The following FZR1 variants were observed in gnomAD, a reference collection of about 807,000 sequenced individuals.
The protein encoded by FZR1 is fizzy-related protein homolog.
Under a neutral mutation model 63.6 loss-of-function variants are expected in FZR1, and 11 were observed. The observed-to-expected ratio is 0.17, with a 90% CI of 0.11 to 0.29. The LOEUF (loss-of-function observed/expected upper bound fraction) is 0.29. FZR1 is among the 10% of genes least tolerant of loss of function. The probability of loss-of-function intolerance (pLI) is 1.00; values close to 1 mark genes in which losing one functional copy is unlikely to be tolerated. For synonymous variants in FZR1, 328 were observed against 297.9 expected, an observed-to-expected ratio of 1.10 and a Z score of -1.04; for missense variants, 440 against 687.5, an observed-to-expected ratio of 0.64 and a Z score of 4.03.
At chr19:3,509,262 G>T (rs1011520945) in intron 1 of FZR1, among the ~76,000 whole-genome samples, 1 of 152,152 alleles carries the variant, frequency 6.6e-6, no homozygotes, top group African/African-American at 2.4e-5. Flanking sequence ...CTCTGCCTCA[G>T]TGTCCTCATT....
In FZR1 at chr19:3,536,023, A is replaced by T. The variant is rs1015638036; in HGVS notation, c.*1187A>T. ...CCCCCCCACCACCCCTTCCCATTTC[A>T]TCGGTGGGGACGTGGAGAGGGTGGG... On this transcript the variant is annotated 3_prime_UTR_variant, in exon 14 of 14. Transcript: ENST00000441788. 6.8e-6 allele frequency: 1 copy of T among 147,626 alleles called. No individual in the cohort carries two copies. The highest frequency in any genetic ancestry group is 6.7e-5 in the Admixed American group (1 of 14,976). The allele number at this position is 147,626 out of a possible 1,614,324, so 9.1% of individuals were successfully genotyped here.
intron 1 of FZR1, among the ~76,000 whole-genome samples, chr19:3,518,555 C>G (rs377627435): frequency 6.6e-6 from 1 of 152,116 alleles, no homozygotes; most frequent in Non-Finnish European, 1.5e-5. Context: ...GGAGCCGTTC[C>G]GCTTGTGCCC....
At position 3,534,964 on chromosome 19, in the gene FZR1, G is replaced by C; in HGVS notation, c.*128G>C. The stretch of plus-strand genomic sequence containing the variant: ...AGGCGGCTGGGCGGGCGGGGAGCTG[G>C]GCCTGGAGGATCCTGGAGTCTCATT... On this transcript the variant is annotated 3_prime_UTR_variant, in exon 14 of 14. Coordinates refer to ENST00000441788, the MANE Select transcript of FZR1 (RefSeq NM_016263.4). 1.3e-6 allele frequency: 1 copy of C among 747,678 alleles called. No homozygotes were observed. The highest frequency in any genetic ancestry group is 2.3e-6 in the Non-Finnish European group (1 of 426,216). 46.3% of individuals were successfully genotyped at this position (747,678 alleles called of 1,614,324 possible).
intron 13 of FZR1, 97 bp from the exon 14 acceptor site, chr19:3,534,698 C>T (rs740686): frequency 0.19 from 210,442 of 1,134,188 alleles, 23,133 homozygotes; most frequent in African/African-American, 0.4. Flanking sequence ...CACCTCCCAG[C>T]CCCTCAGGAC....
intron 10 of FZR1, 85 bp from the exon 11 acceptor site, chr19:3,532,332 C>T (rs1203008438): frequency 9.3e-7 from 1 of 1,077,010 alleles, no homozygotes; most frequent in Non-Finnish European, 1.3e-6. Flanking sequence ...GGTGGGGTGC[C>T]AGGGCAGGTC....
At position 3,532,448 on chromosome 19, in the gene FZR1, C is replaced by G. The variant is rs2083258164; in HGVS notation, c.1040C>G (p.Pro347Arg). ...GTCTGGAATCACTCGAGCCTGAGCC[C>G]CGTGCAGCAGTACACGGAGCACCTG... The part of the protein sequence containing the change: ...LLVWNHSSLS[P>R]VQQYTEHLAA... Residue 347 changes from proline to arginine, a missense_variant, in exon 11 of 14, where the codon CCC (proline) becomes CGC (arginine). By Grantham distance (103) the Pro-to-Arg change is moderately radical (BLOSUM62 -2). Around this residue, in one of 5 missense-constraint regions of FZR1, gnomAD observed 208 missense variants for 363.6 expected, o/e 0.57. Transcript: ENST00000441788. 6.3e-7 allele frequency: 1 copy of G among 1,595,670 alleles called. No individual in the cohort carries two copies. The highest frequency in any genetic ancestry group is 8.6e-7 in the Non-Finnish European group (1 of 1,169,478).
At chr19:3,512,564 A>G (rs754543811) in intron 1 of FZR1, among the ~76,000 whole-genome samples, 20 of 152,256 alleles carry the variant, frequency 1.3e-4, no homozygotes, top group Middle Eastern at 3.4e-3. Context: ...GTTTACTTTC[A>G]TGGGAGGGCA....
intron 1 of FZR1, among the ~76,000 whole-genome samples, chr19:3,513,648 G>A (rs2083038777): frequency 6.6e-6 from 1 of 152,220 alleles, no homozygotes; most frequent in African/African-American, 2.4e-5. Context: ...AGCCCCATGT[G>A]TGTTCTGATG....
intron 1 of FZR1, among the ~76,000 whole-genome samples, chr19:3,512,350 T>C (rs1387236322): frequency 1.3e-5 from 2 of 152,208 alleles, no homozygotes; most frequent in African/African-American, 4.8e-5. Context: ...TGCTGCCTCG[T>C]AGACCTCATG....
intron 1 of FZR1, among the ~76,000 whole-genome samples, chr19:3,519,568 C>T (rs991020080): frequency 9.2e-5 from 14 of 152,190 alleles, no homozygotes; most frequent in African/African-American, 3.4e-4. Flanking sequence ...CGGGTCCTGC[C>T]TGGTTTTTGG....
rs1253718396 is a variant in FZR1, at chr19:3,530,399, GATGGGAGAGCGC to G, written c.655-369_655-358del. Among the ~76,000 whole-genome samples the G allele has an allele frequency of 2.7e-3, 352 of 128,332 alleles. 18 individuals carry two copies. The highest frequency in any genetic ancestry group is 4.5e-3 in the Middle Eastern group (1 of 222). The allele number at this position is 128,332 out of a possible 152,430, so 84.2% of individuals were successfully genotyped here. ...GGATGGGTGAGCAGATGGGTGAGCG[GATGGGAGAGCGC>G]ATGGGAGAGCGCATGGGAGAGCGGA... is the stretch of plus-strand genomic sequence containing the variant. On this transcript the variant is annotated intron_variant, in intron 7 of 13. Transcript: ENST00000441788.
In FZR1 at chr19:3,526,083, C is replaced by A. The variant is rs778291066; in HGVS notation, c.196-37C>A. On this transcript the variant is annotated intron_variant, in intron 3 of 13. Coordinates refer to ENST00000441788, the MANE Select transcript of FZR1 (RefSeq NM_016263.4). The surrounding 1 kb of genome is among the most constrained non-coding windows in gnomAD (Gnocchi z 5.4). ...TGCTCTAGGGCCGGGAACAAGCGGGCTCCTCGACCCCTCCCTCTCTGCTCT... is the reference window on the plus strand; with the variant it reads ...TGCTCTAGGGCCGGGAACAAGCGGGATCCTCGACCCCTCCCTCTCTGCTCT... 6.2e-7 allele frequency: 1 copy of A among 1,611,702 alleles called. No individual in the cohort carries two copies. The highest frequency in any genetic ancestry group is 8.5e-7 in the Non-Finnish European group (1 of 1,179,054).
At chr19:3,528,030 C>T (rs926030874) in intron 7 of FZR1, among the ~76,000 whole-genome samples, 3 of 151,656 alleles carry the variant, frequency 2.0e-5, no homozygotes, top group Non-Finnish European at 4.4e-5. Context: ...CTCCCAGCCA[C>T]GGCCCTCCCA....
rs2083253652 is a variant in FZR1, at chr19:3,532,074, C to T, written c.987C>T (p.Ala329=). 1.3e-6 allele frequency: 2 copies of T among 1,516,668 alleles called. No homozygotes were observed. Among genetic ancestry groups the T allele is most frequent in the Non-Finnish European group, 1.8e-6 (2 of 1,134,228 alleles). The allele number at this position is 1,516,668 out of a possible 1,614,324, so 94.0% of individuals were successfully genotyped here. A position where few individuals can be genotyped will look rare whatever the true frequency, so the allele number is the denominator to read the frequency against. The part of the protein sequence containing the change: ...LKWSTDHQLL[A]SGGNDNKLLV... ...GGTCCACAGACCACCAGCTCCTCGC[C>T]TCGGGGGGCAACGACAACAAGGTAC... Residue 329 remains alanine, a synonymous_variant, in exon 10 of 14, where the codon GCC becomes GCT. Transcript: ENST00000441788.
At chr19:3,508,230 G>A (rs1302805998) in intron 1 of FZR1, among the ~76,000 whole-genome samples, 1 of 138,406 alleles carries the variant, frequency 7.2e-6, no homozygotes, top group Admixed American at 7.6e-5. Flanking sequence ...TTGAGATGGA[G>A]TTTCGCTCTG....
chr19:3,528,783 G>A (rs867403021), intron 7 of FZR1, among the ~76,000 whole-genome samples: 8 of 129,920 alleles, frequency 6.2e-5, no homozygotes, highest in African/African-American at 2.4e-4. Context: ...GGATGGGTGC[G>A]TGGATGGGAG....
intron 1 of FZR1, among the ~76,000 whole-genome samples, chr19:3,519,873 G>A (rs989690681): frequency 4.9e-5 from 7 of 144,140 alleles, no homozygotes; most frequent in African/African-American, 1.8e-4. Flanking sequence ...AATCGGTCCC[G>A]GGGGGCCCCA....
At chr19:3,528,406 C>A (rs541680684) in intron 7 of FZR1, among the ~76,000 whole-genome samples, 75 of 152,346 alleles carry the variant, frequency 4.9e-4, no homozygotes, top group Admixed American at 1.6e-3. Context: ...CAGTGTCCCA[C>A]ACCCTTCTAG....
In FZR1 at chr19:3,525,674, C is replaced by A. The variant is rs376756532; in HGVS notation, c.70-194C>A. Among the ~76,000 whole-genome samples the A allele has an allele frequency of 3.3e-5, 5 of 152,094 alleles. No homozygotes were observed. Among genetic ancestry groups the A allele is most frequent in the Non-Finnish European group, 7.4e-5 (5 of 68,018 alleles). Reference sequence around the variant, plus strand: ...AGCCAGGATGGTCTTGATCTCCTGACCTCGTGATCCGCCCGCCTCGGCCTC... The same window carrying A: ...AGCCAGGATGGTCTTGATCTCCTGAACTCGTGATCCGCCCGCCTCGGCCTC... On this transcript the variant is annotated intron_variant, in intron 2 of 13. Transcript: ENST00000441788. The surrounding 1 kb of genome is among the most constrained non-coding windows in gnomAD (Gnocchi z 4.2).
Sources: gnomAD v4.1 joint callset for allele counts (sites outside exome capture counted in the v4.1 genomes callset) on GRCh38, gnomAD v4.1.1 for gene constraint, gnomAD v4.1.1 regional missense constraint, Gnocchi (gnomAD v3.1) non-coding constraint, MANE v1.5 for transcripts, NCBI Gene and HGNC (gene_info 2026-07-23, HGNC 2026-07-21) for gene names.